Variants in DEPTOR observed in about 807,000 individuals in gnomAD.
The protein encoded by DEPTOR is DEP domain containing MTOR interacting protein.
Under a neutral mutation model 41.6 loss-of-function variants are expected in DEPTOR, and 41 were observed. That is an observed-to-expected ratio of 0.98 (90% confidence interval 0.77 to 1.28). The LOEUF is 1.28. DEPTOR is among the 50% of genes most tolerant of loss of function. The pLI, the probability that DEPTOR is intolerant of heterozygous loss-of-function variation, is 0.00. For synonymous variants in DEPTOR, 195 were observed against 192.3 expected (o/e 1.01, Z -0.12); for missense variants, 514 against 527.9 (o/e 0.97, Z 0.26).
intron 1 of DEPTOR, among the ~76,000 whole-genome samples, chr8:119,880,350 T>C (rs1474040026): frequency 6.6e-6 from 1 of 152,100 alleles, no homozygotes; most frequent in Non-Finnish European, 1.5e-5. Context: ...GCAGATACCT[T>C]TATTACTTTT....
At position 119,881,597 on chromosome 8, in the gene DEPTOR, G is replaced by A. The variant is rs182730147; in HGVS notation, c.122+7629G>A. Among the ~76,000 whole-genome samples, 1,403 of 151,706 alleles carry A rather than the reference G, an allele frequency of 9.2e-3. 9 individuals carry two copies. The highest frequency in any genetic ancestry group is 0.016 in the Non-Finnish European group (1,078 of 67,928). Reference sequence around the variant, plus strand: ...GATCAAGCTCTAATAAATCGAATATGAGATAAGGAATTTAGAGCATACACA... The same window carrying A: ...GATCAAGCTCTAATAAATCGAATATAAGATAAGGAATTTAGAGCATACACA... On this transcript the variant is annotated intron_variant, in intron 1 of 8. Transcript: ENST00000286234.
chr8:119,991,104 CTTTCTTTCTTTCTTT>C (rs1563584745), intron 4 of DEPTOR, among the ~76,000 whole-genome samples: 31 of 69,342 alleles, frequency 4.5e-4, no homozygotes, highest in African/African-American at 1.6e-3. Context: ...TTCTTTCTTT[CTTTCTTTCTTTCTTT>C]TTTTTTTAAA....
intron 8 of DEPTOR, among the ~76,000 whole-genome samples, chr8:120,012,758 A>G (rs1691099521): frequency 6.6e-6 from 1 of 151,904 alleles, no homozygotes; most frequent in Middle Eastern, 3.2e-3. Flanking sequence ...GATAGTTTCG[A>G]TTTCTTGACC....
intron 5 of DEPTOR, among the ~76,000 whole-genome samples, 165 bp from the exon 6 acceptor site, chr8:120,002,812 A>ATATATATATATATATATATATATATATAT (rs71306853): frequency 7.7e-6 from 1 of 130,124 alleles, no homozygotes; most frequent in Non-Finnish European, 1.6e-5. Context: ...ATATATATAT[A>ATATATATATATATATATATATATATATAT]ATATAAAGTA....
At chr8:120,002,284 C>T (rs1812361315) in intron 5 of DEPTOR, among the ~76,000 whole-genome samples, 1 of 150,646 alleles carries the variant, frequency 6.6e-6, no homozygotes, top group African/African-American at 2.4e-5. Flanking sequence ...GGACTACAGG[C>T]ACGTGTCACC....
At chr8:119,977,825 TCTC>T (rs1329976303) in intron 4 of DEPTOR, among the ~76,000 whole-genome samples, 5 of 151,970 alleles carry the variant, frequency 3.3e-5, no homozygotes, top group African/African-American at 1.2e-4. Flanking sequence ...TCTTTCTCTC[TCTC>T]TTTTTTTTAA....
At chr8:119,904,715 C>T (rs990647230) in intron 1 of DEPTOR, among the ~76,000 whole-genome samples, 28 of 151,726 alleles carry the variant, frequency 1.8e-4, no homozygotes, top group African/African-American at 4.8e-4. Context: ...AGCCTGGTCT[C>T]GAACTCCTGA....
intron 4 of DEPTOR, among the ~76,000 whole-genome samples, chr8:119,992,165 G>C (rs1475521115): frequency 6.6e-6 from 1 of 152,176 alleles, no homozygotes; most frequent in African/African-American, 2.4e-5. Flanking sequence ...AAAATAAGAG[G>C]AAAAGGAGTG....
chr8:120,046,911 G>T (rs1813161200), intron 8 of DEPTOR, among the ~76,000 whole-genome samples: 1 of 152,218 alleles, frequency 6.6e-6, no homozygotes, highest in African/African-American at 2.4e-5. Context: ...GCAAATGAGT[G>T]TCCATGCCAT....
At chr8:119,977,250 G>A (rs1828708454) in intron 4 of DEPTOR, among the ~76,000 whole-genome samples, 1 of 152,138 alleles carries the variant, frequency 6.6e-6, no homozygotes, top group East Asian at 1.9e-4. Flanking sequence ...TGATCCGCCC[G>A]CCCTAGCCTC....
At chr8:119,975,252 C>T (rs185996321) in intron 4 of DEPTOR, among the ~76,000 whole-genome samples, 2 of 152,210 alleles carry the variant, frequency 1.3e-5, no homozygotes, top group Non-Finnish European at 2.9e-5. Flanking sequence ...TCAAAATAAC[C>T]AGTACCAAAC....
At chr8:119,876,430 G>C (rs1827231934) in intron 1 of DEPTOR, among the ~76,000 whole-genome samples, 1 of 152,086 alleles carries the variant, frequency 6.6e-6, no homozygotes, top group Admixed American at 6.5e-5. Context: ...TTGAGGTCTG[G>C]AGTTCAAGAC....
At chr8:119,961,416 C>CA (rs34706393) in intron 3 of DEPTOR, among the ~76,000 whole-genome samples, 49,801 of 108,354 alleles carry the variant, frequency 0.46, 9,479 homozygotes, top group East Asian at 0.59. Context: ...AACTCCGTAT[C>CA]AAAAAAAAAA....
chr8:119,988,166 C>T (rs1233638418), intron 4 of DEPTOR, among the ~76,000 whole-genome samples: 1 of 152,184 alleles, frequency 6.6e-6, no homozygotes, highest in Non-Finnish European at 1.5e-5. Context: ...ATCTCCTGGT[C>T]TGCGGGTTGT....
chr8:120,049,719 C>A lies in DEPTOR; in HGVS notation c.*15C>A, dbSNP rs114152495. 1.6e-3 allele frequency: 2,541 copies of A among 1,613,244 alleles called. 43 individuals carry two copies. In the African/African-American group the frequency reaches 0.03, roughly 19 times the overall value. On this transcript the variant is annotated 3_prime_UTR_variant, in exon 9 of 9. Transcript: ENST00000286234. ...TAGAGTGCTGAGCTCCTGGGCCTCC[C>A]AGCCCTCCAGTGGCCTGTGGGTGAG...
chr8:119,970,616 A>G (rs1828619400), intron 4 of DEPTOR, among the ~76,000 whole-genome samples: 1 of 152,192 alleles, frequency 6.6e-6, no homozygotes, highest in Non-Finnish European at 1.5e-5. Flanking sequence ...ATAAAATTAG[A>G]GTTACATAAT....
intron 3 of DEPTOR, among the ~76,000 whole-genome samples, chr8:119,949,284 G>C (rs9987111): frequency 0.35 from 53,612 of 152,138 alleles, 10,373 homozygotes; most frequent in East Asian, 0.52. Flanking sequence ...TGATGGACAT[G>C]TGGATTGTAT....
intron 8 of DEPTOR, among the ~76,000 whole-genome samples, chr8:120,011,768 A>G (rs751652440): frequency 8.5e-5 from 13 of 152,214 alleles, no homozygotes; most frequent in Non-Finnish European, 1.6e-4. Context: ...TCTTTAACGT[A>G]TATTCCCTGA....
chr8:119,950,080 T>A (rs10955945), intron 3 of DEPTOR, among the ~76,000 whole-genome samples: 116,265 of 152,166 alleles, frequency 0.76, 44,501 homozygotes, highest in Middle Eastern at 0.88. Flanking sequence ...ATCCAACTTC[T>A]GTATTTTGCA....
Sources: allele counts gnomAD v4.1 joint callset (sites outside exome capture counted in the v4.1 genomes callset), GRCh38; gene constraint gnomAD v4.1.1; transcripts MANE v1.5; gene names NCBI Gene and HGNC (gene_info 2026-07-23, HGNC 2026-07-21).